The following IPCEF1 variants were observed in gnomAD, a reference collection of about 807,000 sequenced individuals.
The protein encoded by IPCEF1 is interaction protein for cytohesin exchange factors 1.
In IPCEF1, 31 loss-of-function variants were observed where a neutral mutation model predicts 50.9. The ratio of observed to expected loss-of-function variants is 0.61; its 90% CI spans 0.46 to 0.82. The LOEUF is 0.82. Among genes scored for constraint, IPCEF1 ranks in the 40% least tolerant of loss-of-function variants. IPCEF1 has a pLI of 0.00. For missense variants in IPCEF1, 458 were observed against 514.0 expected, an observed-to-expected ratio of 0.89 and a Z score of 1.05; for synonymous variants, 181 against 192.0, an observed-to-expected ratio of 0.94 and a Z score of 0.47.
In IPCEF1 at chr6:154,156,316, G is replaced by A. The variant is rs797002967; in HGVS notation, c.*3512C>T. The A allele has an allele frequency of 6.6e-5, 10 of 152,376 alleles. No homozygotes were observed. Among genetic ancestry groups the A allele is most frequent in the African/African-American group, 2.4e-4 (10 of 41,564 alleles). The allele number at this position is 152,376 out of a possible 1,614,324, so 9.4% of individuals were successfully genotyped here. A position where few individuals can be genotyped will look rare whatever the true frequency, so the allele number is the denominator to read the frequency against. On this transcript the variant is annotated 3_prime_UTR_variant, in exon 12 of 12. Transcript: ENST00000367220. ...CAGGGCCAGCCGTATGCTAAGCCCA[G>A]TGCAATGAAACACACGCTCCCAGTC...
chr6:154,262,763 A>T (rs1428529953), intron 3 of IPCEF1, among the ~76,000 whole-genome samples: 1 of 133,694 alleles, frequency 7.5e-6, no homozygotes, highest in Non-Finnish European at 1.6e-5. Flanking sequence ...ACACATGCTT[A>T]TAATCCTTTT....
At chr6:154,176,031 T>C (rs1029376870) in intron 10 of IPCEF1, among the ~76,000 whole-genome samples, 21 of 152,172 alleles carry the variant, frequency 1.4e-4, no homozygotes, top group African/African-American at 5.1e-4. Flanking sequence ...CCCAAATCAA[T>C]AGACATAATC....
chr6:154,239,562 G>A (rs918423410), intron 5 of IPCEF1, among the ~76,000 whole-genome samples: 4 of 152,176 alleles, frequency 2.6e-5, no homozygotes, highest in African/African-American at 9.7e-5. Flanking sequence ...GTCACCTACA[G>A]CTGCTGAAAT....
At chr6:154,315,225 C>T (rs1461118272) in intron 1 of IPCEF1, among the ~76,000 whole-genome samples, 1 of 152,192 alleles carries the variant, frequency 6.6e-6, no homozygotes, top group African/African-American at 2.4e-5. Flanking sequence ...CTCCATTAGA[C>T]TAAAAGTCCT....
At chr6:154,171,183 A>G (rs1562522003) in intron 10 of IPCEF1, among the ~76,000 whole-genome samples, 1 of 152,250 alleles carries the variant, frequency 6.6e-6, no homozygotes. Context: ...CGGCAGCATT[A>G]TTCATAACAG....
chr6:154,303,532 C>T (rs1434346118), intron 1 of IPCEF1, among the ~76,000 whole-genome samples: 2 of 152,302 alleles, frequency 1.3e-5, no homozygotes, highest in Admixed American at 6.5e-5. Flanking sequence ...ATGGCTCATT[C>T]ACCCTTCTCC....
At chr6:154,320,997 A>G (rs1336066670) in intron 1 of IPCEF1, among the ~76,000 whole-genome samples, 1 of 152,022 alleles carries the variant, frequency 6.6e-6, no homozygotes, top group Non-Finnish European at 1.5e-5. Context: ...CAGTGGTACA[A>G]TTATGGCTCA....
chr6:154,191,547 G>A (rs576264636), intron 10 of IPCEF1, among the ~76,000 whole-genome samples: 25 of 151,792 alleles, frequency 1.6e-4, no homozygotes, highest in African/African-American at 3.4e-4. Context: ...GGTGGCGAGC[G>A]CCTATAGTCC....
At chr6:154,297,666 T>A (rs1164996031) in intron 1 of IPCEF1, among the ~76,000 whole-genome samples, 1 of 152,226 alleles carries the variant, frequency 6.6e-6, no homozygotes, top group African/African-American at 2.4e-5. Flanking sequence ...GGTCCACAGG[T>A]ACCCACTGTG....
intron 1 of IPCEF1, among the ~76,000 whole-genome samples, chr6:154,334,040 T>C (rs557339838): frequency 2.0e-5 from 3 of 152,086 alleles, no homozygotes; most frequent in South Asian, 2.1e-4. Flanking sequence ...CAAAAACACA[T>C]GGCGTAGCTT....
chr6:154,266,583 T>TAC (rs1554300207), intron 2 of IPCEF1, among the ~76,000 whole-genome samples: 2 of 139,248 alleles, frequency 1.4e-5, no homozygotes, highest in South Asian at 2.2e-4. Context: ...TATATATATA[T>TAC]ATACACACAA....
At chr6:154,251,917 A>C (rs989825488) in intron 3 of IPCEF1, among the ~76,000 whole-genome samples, 5 of 152,170 alleles carry the variant, frequency 3.3e-5, no homozygotes, top group African/African-American at 1.2e-4. Flanking sequence ...AAAATCGTGG[A>C]GTTTCTAGCT....
At chr6:154,267,658 A>C (rs773744585) in intron 2 of IPCEF1, among the ~76,000 whole-genome samples, 1 of 152,198 alleles carries the variant, frequency 6.6e-6, no homozygotes, top group Admixed American at 6.5e-5. Flanking sequence ...ATAGTGGGTA[A>C]TTCCTCTCCA....
intron 5 of IPCEF1, among the ~76,000 whole-genome samples, chr6:154,227,895 CA>C (rs1275657927): frequency 6.6e-6 from 1 of 151,758 alleles, no homozygotes; most frequent in Non-Finnish European, 1.5e-5. Flanking sequence ...ACTTTATAAG[CA>C]GAAGCTTTTT....
intron 10 of IPCEF1, among the ~76,000 whole-genome samples, chr6:154,174,075 C>A (rs1482214639): frequency 6.6e-6 from 1 of 152,232 alleles, no homozygotes; most frequent in Middle Eastern, 3.4e-3. Flanking sequence ...CCAAACTAAG[C>A]TTCATAAGTG....
chr6:154,233,061 C>T (rs1004169251), intron 5 of IPCEF1, among the ~76,000 whole-genome samples: 3 of 151,554 alleles, frequency 2.0e-5, no homozygotes, highest in Non-Finnish European at 4.4e-5. Context: ...CTCCGCCTCC[C>T]GGGTTCAAGT....
intron 1 of IPCEF1, among the ~76,000 whole-genome samples, chr6:154,322,672 A>C (rs1288403524): frequency 1.3e-5 from 2 of 152,046 alleles, no homozygotes; most frequent in Non-Finnish European, 2.9e-5. Context: ...CTCCCTCTCT[A>C]CTAAAAATAC....
At chr6:154,169,933 T>C (rs541626298) in intron 10 of IPCEF1, among the ~76,000 whole-genome samples, 15 of 152,328 alleles carry the variant, frequency 9.8e-5, no homozygotes, top group Admixed American at 5.9e-4. Flanking sequence ...AGCTGGAAGT[T>C]TCCAGGAAGT....
In IPCEF1 at chr6:154,289,695, G is replaced by T. The variant is rs188639351; in HGVS notation, c.-18+18C>A. The T allele has an allele frequency of 6.9e-6, 1 of 144,076 alleles. No individual in the cohort carries two copies. The highest frequency in any genetic ancestry group is 2.6e-5 in the African/African-American group (1 of 38,680). 8.9% of individuals were successfully genotyped at this position (144,076 alleles called of 1,614,324 possible). A position where few individuals can be genotyped will look rare whatever the true frequency, so the allele number is the denominator to read the frequency against. On this transcript the variant is annotated intron_variant, in intron 2 of 11. Coordinates refer to ENST00000367220, the MANE Select transcript of IPCEF1 (RefSeq NM_001130700.2). The stretch of plus-strand genomic sequence containing the variant: ...CTAAAGAGAAAGAATTCGTTGCAAA[G>T]AATTTTCAATTACATACCAAAAAGT...
Sources: gnomAD v4.1 joint callset for allele counts (sites outside exome capture counted in the v4.1 genomes callset) on GRCh38, gnomAD v4.1.1 for gene constraint, MANE v1.5 for transcripts, NCBI Gene and HGNC (gene_info 2026-07-23, HGNC 2026-07-21) for gene names.